The following ZDHHC14 variants were observed in gnomAD, a reference collection of about 807,000 sequenced individuals.
The protein encoded by ZDHHC14 is palmitoyltransferase ZDHHC14.
ZDHHC14 carries 16 observed loss-of-function variants against 47.7 expected under a neutral mutation model. The observed-to-expected ratio is 0.34, with a 90% CI of 0.23 to 0.51. The LOEUF (loss-of-function observed/expected upper bound fraction) is 0.51. Ranked by LOEUF, ZDHHC14 falls within the 20% of genes least tolerant of loss-of-function variation. ZDHHC14 has a pLI of 0.97. For synonymous variants in ZDHHC14, 293 were observed against 278.9 expected (o/e 1.05, Z -0.50); for missense variants, 515 against 662.5 (o/e 0.78, Z 2.44).
At chr6:157,667,825 T>A (rs1199387744) in intron 8 of ZDHHC14, among the ~76,000 whole-genome samples, 1 of 152,182 alleles carries the variant, frequency 6.6e-6, no homozygotes, top group Admixed American at 6.5e-5. Flanking sequence ...TCATTTGATA[T>A]CTAAGTTTTT....
intron 1 of ZDHHC14, among the ~76,000 whole-genome samples, chr6:157,446,512 C>T (rs750544729): frequency 3.3e-5 from 5 of 152,050 alleles, no homozygotes; most frequent in Admixed American, 6.5e-5. Flanking sequence ...CAGGTTCAAG[C>T]GATTCTCCTG....
At chr6:157,518,718 G>T (rs1391435904) in intron 1 of ZDHHC14, among the ~76,000 whole-genome samples, 1 of 139,300 alleles carries the variant, frequency 7.2e-6, no homozygotes, top group Non-Finnish European at 1.5e-5. Context: ...TCGTTATTTA[G>T]AATCCATGTC....
intron 1 of ZDHHC14, among the ~76,000 whole-genome samples, chr6:157,416,984 T>TTG (rs1777991890): frequency 1.5e-5 from 2 of 133,030 alleles, no homozygotes; most frequent in East Asian, 2.1e-4. Context: ...TTTTTTTTTT[T>TTG]TTTTTTTTTT....
At chr6:157,601,034 C>T (rs1016239150) in intron 3 of ZDHHC14, among the ~76,000 whole-genome samples, 46 of 152,310 alleles carry the variant, frequency 3.0e-4, no homozygotes, top group African/African-American at 1.1e-3. Flanking sequence ...GCATGGAGCT[C>T]GGGAGAGGCC....
At chr6:157,398,415 T>C (rs533848131) in intron 1 of ZDHHC14, among the ~76,000 whole-genome samples, 6 of 152,328 alleles carry the variant, frequency 3.9e-5, no homozygotes, top group African/African-American at 1.4e-4. Flanking sequence ...GTTGCTGCTC[T>C]GTCCCCTCTG....
At chr6:157,494,607 G>T (rs890937015) in intron 1 of ZDHHC14, among the ~76,000 whole-genome samples, 3 of 152,182 alleles carry the variant, frequency 2.0e-5, no homozygotes, top group African/African-American at 7.2e-5. Flanking sequence ...AGGGGGACAT[G>T]ACTTACTTTC....
At chr6:157,629,292 A>G (rs1785565020) in intron 4 of ZDHHC14, 1 of 152,246 alleles carries the variant, frequency 6.6e-6, no homozygotes, top group Non-Finnish European at 1.5e-5. Context: ...TTGAACTTCC[A>G]TTACAGTACC....
chr6:157,531,630 A>C (rs576389879), intron 1 of ZDHHC14, among the ~76,000 whole-genome samples: 2 of 151,872 alleles, frequency 1.3e-5, no homozygotes, highest in African/African-American at 4.8e-5. Flanking sequence ...GCTGCCAGGA[A>C]GCGAGGGTCT....
At chr6:157,472,980 T>C (rs1161418715) in intron 1 of ZDHHC14, among the ~76,000 whole-genome samples, 1 of 152,190 alleles carries the variant, frequency 6.6e-6, no homozygotes, top group Non-Finnish European at 1.5e-5. Flanking sequence ...AAAGCAAAGA[T>C]AACAAGATAA....
rs533521257 is a variant in ZDHHC14 at position 157,648,184 on chromosome 6, TAAATC to T, written c.965+820_965+824del. Among the ~76,000 whole-genome samples, 186 of 152,346 alleles carry T rather than the reference TAAATC, an allele frequency of 1.2e-3. 1 individual carries two copies. Among genetic ancestry groups the T allele is most frequent in the African/African-American group, 3.9e-3 (164 of 41,568 alleles). On this transcript the variant is annotated intron_variant, in intron 7 of 8. Transcript: ENST00000359775. ...ACCTATGGAGAATATTTTCAACTGATAAATCAAACCATGATCAACAAATAGATATT... is the reference window on the plus strand; with the variant it reads ...ACCTATGGAGAATATTTTCAACTGATAAACCATGATCAACAAATAGATATT...
chr6:157,427,670 C>T lies in ZDHHC14; in HGVS notation c.245+45404C>T, dbSNP rs557373078. Among the ~76,000 whole-genome samples, 7 of 152,194 alleles carry T rather than the reference C, an allele frequency of 4.6e-5. No homozygotes were observed. Among genetic ancestry groups the T allele is most frequent in the South Asian group, 4.2e-4 (2 of 4,818 alleles). ...CAGAGGAACGTGAGTATTGAGATGT[C>T]GGCATGGGAGGTGGCTTGGATTTTC... On this transcript the variant is annotated intron_variant, in intron 1 of 8. Transcript: ENST00000359775. The surrounding 1 kb of genome is among the most constrained non-coding windows in gnomAD (Gnocchi z 4.4).
intron 2 of ZDHHC14, among the ~76,000 whole-genome samples, chr6:157,549,233 G>T (rs1381910651): frequency 6.6e-6 from 1 of 152,206 alleles, no homozygotes; most frequent in Non-Finnish European, 1.5e-5. Flanking sequence ...GTACAGCCTC[G>T]AGCTTCGAAA....
intron 2 of ZDHHC14, among the ~76,000 whole-genome samples, chr6:157,549,106 C>G (rs145010309): frequency 6.6e-6 from 1 of 152,214 alleles, no homozygotes; most frequent in African/African-American, 2.4e-5. Flanking sequence ...TGCTCTTACC[C>G]GCTGCACAGT....
chr6:157,458,849 A>ATTTTTTTTTTTTTTTTTTTTTTATTTT (rs750975822), intron 1 of ZDHHC14, among the ~76,000 whole-genome samples: 1 of 81,226 alleles, frequency 1.2e-5, no homozygotes, highest in Non-Finnish European at 2.3e-5. Flanking sequence ...ATGTGGGTGG[A>ATTTTTTTTTTTTTTTTTTTTTTATTTT]TTTTTTTTTT....
In ZDHHC14 at chr6:157,675,221, C is replaced by G. The variant is rs908893842; in HGVS notation, c.*2099C>G. 9.2e-5 allele frequency: 14 copies of G among 152,420 alleles called. No individual in the cohort carries two copies. Among genetic ancestry groups the G allele is most frequent in the African/African-American group, 3.4e-4 (14 of 41,576 alleles). The allele number at this position is 152,420 out of a possible 1,614,324, so 9.4% of individuals were successfully genotyped here. ...CACGTGTGGCCCAGTCCATTCTCAG[C>G]TCATTCCCCTGGAAAGCAAGATCAT... On this transcript the variant is annotated 3_prime_UTR_variant, in exon 9 of 9. Coordinates refer to ENST00000359775, the MANE Select transcript of ZDHHC14 (RefSeq NM_024630.3).
Position 157,670,279 on chromosome 6 carries a change from C to T in ZDHHC14, c.1069-2445C>T, listed in dbSNP as rs537668707. ...ATTGTTAACGCTTCACAGTCAGCCC[C>T]TTCCAAGTACTTTTTATTTATTTAT... On this transcript the variant is annotated intron_variant, in intron 8 of 8. Coordinates refer to ENST00000359775, the MANE Select transcript of ZDHHC14 (RefSeq NM_024630.3). 5.9e-5 allele frequency among the ~76,000 whole-genome samples: 9 copies of T among 152,306 alleles called. No homozygotes were observed. The South Asian group carries it at 1.9e-3, about 32-fold the overall frequency.
chr6:157,554,002 G>A (rs1008625934), intron 2 of ZDHHC14, among the ~76,000 whole-genome samples: 10 of 152,160 alleles, frequency 6.6e-5, no homozygotes, highest in African/African-American at 2.4e-4. Flanking sequence ...TACCTTCCAA[G>A]GCTTTTAGAG....
chr6:157,609,391 A>G (rs1784669340), intron 3 of ZDHHC14, among the ~76,000 whole-genome samples: 1 of 152,112 alleles, frequency 6.6e-6, no homozygotes. Context: ...CCTGAAGGAG[A>G]AGCTGCTTTG....
intron 1 of ZDHHC14, among the ~76,000 whole-genome samples, chr6:157,445,690 T>G (rs1778651773): frequency 6.6e-6 from 1 of 152,214 alleles, no homozygotes; most frequent in Non-Finnish European, 1.5e-5. Context: ...GCTTTTCTTA[T>G]GCCTTTAATG....
Sources: allele counts gnomAD v4.1 joint callset (sites outside exome capture counted in the v4.1 genomes callset), GRCh38; gene constraint gnomAD v4.1.1; non-coding constraint Gnocchi (gnomAD v3.1); transcripts MANE v1.5; gene names NCBI Gene and HGNC (gene_info 2026-07-23, HGNC 2026-07-21).